Variants in POU2F1 observed in about 807,000 individuals in gnomAD.
POU2F1 encodes the protein POU class 2 homeobox 1.
In POU2F1, 16 loss-of-function variants were observed where a neutral mutation model predicts 84.9. That is an observed-to-expected ratio of 0.19 (90% CI 0.13 to 0.29). The LOEUF is 0.29. Among genes scored for constraint, POU2F1 ranks in the 10% least tolerant of loss-of-function variants. The pLI, the probability that POU2F1 is intolerant of heterozygous loss-of-function variation, is 1.00. For synonymous variants in POU2F1, 368 were observed against 368.3 expected, an observed-to-expected ratio of 1.00 and a Z score of 0.01; for missense variants, 738 against 942.6, an observed-to-expected ratio of 0.78 and a Z score of 2.84.
intron 1 of POU2F1, among the ~76,000 whole-genome samples, chr1:167,283,670 T>A (rs541866379): frequency 5.3e-5 from 8 of 152,346 alleles, no homozygotes; most frequent in African/African-American, 1.9e-4. Context: ...GGGTCCTGTG[T>A]CTTTCTGTTG....
At chr1:167,399,001 T>G (rs1649007866) in intron 11 of POU2F1, among the ~76,000 whole-genome samples, 185 bp from the exon 12 acceptor site, 1 of 152,236 alleles carries the variant, frequency 6.6e-6, no homozygotes, top group African/African-American at 2.4e-5. Flanking sequence ...TAAGTTAATA[T>G]GAATAAGTTT....
chr1:167,344,474 A>G (rs1342966072), intron 2 of POU2F1, among the ~76,000 whole-genome samples: 1 of 152,206 alleles, frequency 6.6e-6, no homozygotes, highest in Non-Finnish European at 1.5e-5. Context: ...AACTCTTTTC[A>G]TGGAAGCTCT....
chr1:167,274,120 A>AT (rs1652559078), intron 1 of POU2F1, among the ~76,000 whole-genome samples: 1 of 152,044 alleles, frequency 6.6e-6, no homozygotes, highest in Admixed American at 6.6e-5. Context: ...TAAGGTTGAG[A>AT]TTTTCTTTTT....
At chr1:167,365,380 G>A (rs562762019) in intron 2 of POU2F1, 87 bp from the exon 3 acceptor site, 1 of 938,698 alleles carries the variant, frequency 1.1e-6, no homozygotes, top group Admixed American at 3.1e-5. Flanking sequence ...TGCAAAATAG[G>A]TGCCTGATGA....
chr1:167,329,077 A>G (rs1427904944), intron 1 of POU2F1: 3 of 1,216,222 alleles, frequency 2.5e-6, no homozygotes, highest in Non-Finnish European at 2.1e-6. Flanking sequence ...TTCCTTATTC[A>G]GTTGAAGATT....
chr1:167,393,928 A>G (rs1199045134), intron 9 of POU2F1, among the ~76,000 whole-genome samples: 6 of 152,230 alleles, frequency 3.9e-5, no homozygotes, highest in African/African-American at 1.2e-4. Flanking sequence ...ACAATGCATA[A>G]GTTCAATGCT....
intron 1 of POU2F1, among the ~76,000 whole-genome samples, chr1:167,286,856 A>C (rs1273045954): frequency 1.3e-5 from 2 of 152,210 alleles, no homozygotes; most frequent in African/African-American, 4.8e-5. Flanking sequence ...AATGTCTACA[A>C]ATGTCCATAA....
rs35066951 is a variant in POU2F1, at chr1:167,345,617, C to T, written c.127+13082C>T. On this transcript the variant is annotated intron_variant, in intron 2 of 15. Coordinates refer to ENST00000367866, the MANE Select transcript of POU2F1 (RefSeq NM_002697.4). The stretch of plus-strand genomic sequence containing the variant: ...CTGCTACCGTTTAACTGGCTCACAT[C>T]CTACAGGGAAAGATGAGCAAGGGAG... 7.3e-3 allele frequency among the ~76,000 whole-genome samples: 1,104 copies of T among 152,230 alleles called. 6 individuals are homozygous for T. Among genetic ancestry groups the T allele is most frequent in the South Asian group, 0.012 (56 of 4,806 alleles).
chr1:167,258,298 C>A (rs1248598607), intron 1 of POU2F1, among the ~76,000 whole-genome samples: 1 of 152,186 alleles, frequency 6.6e-6, no homozygotes, highest in Non-Finnish European at 1.5e-5. Flanking sequence ...GAGGGAGTGA[C>A]TGAAAGACAC....
intron 1 of POU2F1, among the ~76,000 whole-genome samples, chr1:167,325,342 G>C (rs1571304359): frequency 6.6e-6 from 1 of 152,244 alleles, no homozygotes. Flanking sequence ...TAATTGTTGA[G>C]TCAGACATTT....
At chr1:167,298,506 T>C (rs1044370530) in intron 1 of POU2F1, among the ~76,000 whole-genome samples, 3 of 152,158 alleles carry the variant, frequency 2.0e-5, no homozygotes, top group Non-Finnish European at 4.4e-5. Context: ...TTGAGTAAAT[T>C]TCATCATATT....
At position 167,337,151 on chromosome 1, in the gene POU2F1, G is replaced by A. The variant is rs1439060489; in HGVS notation, c.127+4616G>A. On this transcript the variant is annotated intron_variant, in intron 2 of 15. Transcript: ENST00000367866. ...GCACTCCAGCCTGGGCAACAAGAGCGAAACTCCATCTCAAAAGAAAAAAAA... is the reference window on the plus strand; with the variant it reads ...GCACTCCAGCCTGGGCAACAAGAGCAAAACTCCATCTCAAAAGAAAAAAAA... 1.0e-3 allele frequency among the ~76,000 whole-genome samples: 147 copies of A among 141,918 alleles called. 1 individual carries two copies. The highest frequency in any genetic ancestry group is 3.6e-3 in the African/African-American group (140 of 38,414). The allele number at this position is 141,918 out of a possible 152,430, so 93.1% of individuals were successfully genotyped here.
chr1:167,318,723 C>T (rs1656098749), intron 1 of POU2F1, among the ~76,000 whole-genome samples: 1 of 152,102 alleles, frequency 6.6e-6, no homozygotes, highest in Non-Finnish European at 1.5e-5. Flanking sequence ...GGCGGACATT[C>T]AAATCCTAAA....
intron 1 of POU2F1, among the ~76,000 whole-genome samples, chr1:167,306,604 G>GT (rs1427314421): frequency 6.6e-6 from 1 of 152,078 alleles, no homozygotes; most frequent in African/African-American, 2.4e-5. Context: ...TAGTAATGCC[G>GT]TAACACGGTA....
intron 1 of POU2F1, among the ~76,000 whole-genome samples, chr1:167,228,538 G>T (rs1648813420): frequency 6.6e-6 from 1 of 152,188 alleles, no homozygotes; most frequent in Admixed American, 6.5e-5. Flanking sequence ...GGCCTTTACA[G>T]TAGAAACTAT....
chr1:167,325,459 T>G (rs1656636512), intron 1 of POU2F1, among the ~76,000 whole-genome samples: 2 of 152,220 alleles, frequency 1.3e-5, no homozygotes, highest in South Asian at 2.1e-4. Flanking sequence ...AGGTAGAATA[T>G]AGGCCGATCT....
At chr1:167,327,457 G>C (rs575539442) in intron 1 of POU2F1, among the ~76,000 whole-genome samples, 45 of 152,290 alleles carry the variant, frequency 3.0e-4, no homozygotes, top group African/African-American at 8.2e-4. Context: ...GCAGAGTGCT[G>C]ATCCAAAAGT....
chr1:167,237,212 C>G (rs1314219026), intron 1 of POU2F1, among the ~76,000 whole-genome samples: 1 of 152,144 alleles, frequency 6.6e-6, no homozygotes, highest in Non-Finnish European at 1.5e-5. Context: ...TGACAGTGAC[C>G]TTGAAGGAGA....
At chr1:167,338,305 T>C (rs1159324724) in intron 2 of POU2F1, 1 of 453,864 alleles carries the variant, frequency 2.2e-6, no homozygotes, top group Non-Finnish European at 4.4e-6. Context: ...CTTACTTTAC[T>C]GTAAGAATAC....
Sources: gnomAD v4.1 joint callset for allele counts (sites outside exome capture counted in the v4.1 genomes callset) on GRCh38, gnomAD v4.1.1 for gene constraint, MANE v1.5 for transcripts, NCBI Gene and HGNC (gene_info 2026-07-23, HGNC 2026-07-21) for gene names.